The following SULF2 variants were observed in gnomAD, a reference collection of about 807,000 sequenced individuals.
The protein encoded by SULF2 is sulfatase 2, also known as extracellular sulfatase Sulf-2.
A neutral mutation model predicts 107.7 loss-of-function variants in SULF2; 52 were observed. That is an observed-to-expected ratio of 0.48 (90% CI 0.39 to 0.61). The LOEUF is 0.61. Among genes scored for constraint, SULF2 ranks in the 20% least tolerant of loss-of-function variants. The pLI is 0.00. For synonymous variants in SULF2, 460 were observed against 464.3 expected, an observed-to-expected ratio of 0.99 and a Z score of 0.12; for missense variants, 993 against 1,177.3, an observed-to-expected ratio of 0.84 and a Z score of 2.29.
intron 1 of SULF2, among the ~76,000 whole-genome samples, chr20:47,784,818 T>C (rs2122777698): frequency 6.6e-6 from 1 of 152,360 alleles, no homozygotes. Flanking sequence ...CGTTCTGCCC[T>C]GGCCTGGGAG....
intron 1 of SULF2, among the ~76,000 whole-genome samples, chr20:47,772,416 G>A (rs1314191611): frequency 6.6e-6 from 1 of 151,634 alleles, no homozygotes; most frequent in Non-Finnish European, 1.5e-5. Context: ...GAGAACCCCT[G>A]CCATACTTAG....
At chr20:47,768,743 T>C (rs2090571442) in intron 1 of SULF2, among the ~76,000 whole-genome samples, 2 of 152,240 alleles carry the variant, frequency 1.3e-5, no homozygotes, top group African/African-American at 4.8e-5. Flanking sequence ...GACTTGGGCC[T>C]TCCCTGGCCC....
intron 2 of SULF2, among the ~76,000 whole-genome samples, chr20:47,742,873 C>T (rs1378017058): frequency 1.3e-5 from 2 of 148,828 alleles, no homozygotes; most frequent in East Asian, 2.0e-4. Flanking sequence ...TCAGAGCAAA[C>T]ACTATCTATG....
chr20:47,696,173 A>C (rs2088369182), intron 4 of SULF2, among the ~76,000 whole-genome samples: 1 of 152,178 alleles, frequency 6.6e-6, no homozygotes, highest in Admixed American at 6.5e-5. Context: ...TCTGGGCCTC[A>C]GTTTTCTCAT....
chr20:47,728,351 C>T (rs944110120), intron 3 of SULF2, among the ~76,000 whole-genome samples: 3 of 152,214 alleles, frequency 2.0e-5, no homozygotes, highest in African/African-American at 7.2e-5. Context: ...GGCCCAGGGA[C>T]GGCATCCCGG....
intron 4 of SULF2, among the ~76,000 whole-genome samples, chr20:47,697,371 G>A (rs1021233761): frequency 3.3e-5 from 5 of 152,224 alleles, no homozygotes; most frequent in African/African-American, 1.2e-4. Context: ...GGCTTACGAA[G>A]GGTTGCCGCT....
At chr20:47,695,405 C>A (rs373998916) in intron 4 of SULF2, among the ~76,000 whole-genome samples, 1 of 152,186 alleles carries the variant, frequency 6.6e-6, no homozygotes, top group African/African-American at 2.4e-5. Context: ...TCTTGCATAA[C>A]TGAAACCTCA....
chr20:47,678,934 T>A lies in SULF2; in HGVS notation c.1065-130A>T, dbSNP rs142491507. 959 of 759,530 alleles carry A rather than the reference T, an allele frequency of 1.3e-3. 4 individuals carry two copies. In the African/African-American group the frequency reaches 0.015, roughly 12 times the overall value. The allele number at this position is 759,530 out of a possible 1,614,324, so 47.0% of individuals were successfully genotyped here. ...ACATCTGCAGGTATGGAAGCTGCAGTCTGGCACCTCAACCTCAGCAGCTCC... is the reference window on the plus strand; with the variant it reads ...ACATCTGCAGGTATGGAAGCTGCAGACTGGCACCTCAACCTCAGCAGCTCC... On this transcript the variant is annotated intron_variant, in intron 7 of 20. Coordinates refer to ENST00000688720, the MANE Select transcript of SULF2 (RefSeq NM_001387048.1). This position sits in a 1 kb window ranked among gnomAD's most constrained non-coding sequence, Gnocchi z 4.5.
chr20:47,699,431 A>AT (rs1350510786), intron 4 of SULF2, among the ~76,000 whole-genome samples: 2 of 151,710 alleles, frequency 1.3e-5, no homozygotes, highest in Admixed American at 6.6e-5. Flanking sequence ...AGCACTACAT[A>AT]GTAGGTGCTC....
At chr20:47,705,041 A>C (rs898128162) in intron 3 of SULF2, among the ~76,000 whole-genome samples, 3 of 152,182 alleles carry the variant, frequency 2.0e-5, no homozygotes, top group African/African-American at 7.2e-5. Context: ...ACTTTCCAGG[A>C]GTGGGAAAAC....
intron 2 of SULF2, among the ~76,000 whole-genome samples, chr20:47,752,619 TGC>T (rs988660833): frequency 6.7e-6 from 1 of 149,082 alleles, no homozygotes; most frequent in Admixed American, 6.7e-5. Flanking sequence ...AGTGTGATGG[TGC>T]GCACCTGTAG....
rs562782840 is a variant in SULF2, at chr20:47,712,429, C to T, written c.416-9759G>A. ...TGGTCACCCATCCCTCTATAGTCACCGGGCTGTTTATTTCCTCTACAGCAC... is the reference window on the plus strand; with the variant it reads ...TGGTCACCCATCCCTCTATAGTCACTGGGCTGTTTATTTCCTCTACAGCAC... On this transcript the variant is annotated intron_variant, in intron 3 of 20. Transcript: ENST00000688720. Among the ~76,000 whole-genome samples the T allele has an allele frequency of 2.1e-4, 32 of 152,314 alleles. No homozygotes were observed. In the South Asian group the frequency reaches 5.0e-3, roughly 24 times the overall value.
In SULF2 at chr20:47,771,223, G is replaced by A. The variant is rs76439087; in HGVS notation, c.-100-13760C>T. Among the ~76,000 whole-genome samples the A allele has an allele frequency of 8.4e-3, 1,284 of 152,254 alleles. 18 individuals carry two copies. The highest frequency in any genetic ancestry group is 0.03 in the African/African-American group (1,235 of 41,546). ...TCAAAGAATCTGTGAGCCTCGGAAA[G>A]TCCTGGGTGGGCACTCTTCCTTCTC... On this transcript the variant is annotated intron_variant, in intron 1 of 20. Transcript: ENST00000688720.
In SULF2 at chr20:47,745,392, A is replaced by G. The variant is rs1187053597; in HGVS notation, c.176-8450T>C. 3.8e-4 allele frequency among the ~76,000 whole-genome samples: 6 copies of G among 15,798 alleles called. 1 individual carries two copies. The African/African-American group carries it at 3.9e-3, about 10-fold the overall frequency. 10.4% of individuals were successfully genotyped at this position (15,798 alleles called of 152,430 possible). On this transcript the variant is annotated intron_variant, in intron 2 of 20. Coordinates refer to ENST00000688720, the MANE Select transcript of SULF2 (RefSeq NM_001387048.1). ...TTCTGAGTTTTGAGGGAAAAAAAAA[A>G]AAAAAAAAAAAAAAAAAAATATATA...
At chr20:47,737,755 G>GTTTTTTTTTT (rs11484375) in intron 2 of SULF2, among the ~76,000 whole-genome samples, 4 of 61,834 alleles carry the variant, frequency 6.5e-5, no homozygotes, top group African/African-American at 1.3e-4. Context: ...TCTTTTCTTT[G>GTTTTTTTTTT]TTTTTTTTTT....
intron 1 of SULF2, among the ~76,000 whole-genome samples, chr20:47,770,252 G>A (rs2090605512): frequency 6.6e-6 from 1 of 151,888 alleles, no homozygotes; most frequent in African/African-American, 2.4e-5. Context: ...GTAGAGATGA[G>A]GTCTTGCTAT....
intron 6 of SULF2, among the ~76,000 whole-genome samples, chr20:47,683,535 T>C (rs893997455): frequency 6.6e-6 from 1 of 152,254 alleles, no homozygotes; most frequent in African/African-American, 2.4e-5. Context: ...GGTGAATGAA[T>C]GAATGAGTGA....
intron 4 of SULF2, among the ~76,000 whole-genome samples, chr20:47,695,155 T>G (rs2088332666): frequency 6.6e-6 from 1 of 152,218 alleles, no homozygotes; most frequent in Admixed American, 6.5e-5. Flanking sequence ...TTACTGCCAT[T>G]GCAGCTTGAA....
At chr20:47,665,836 C>T in intron 13 of SULF2, 21 bp downstream of exon 13, 1 of 1,601,482 alleles carries the variant, frequency 6.2e-7, no homozygotes, top group Non-Finnish European at 8.6e-7. Flanking sequence ...AGAGCATGCT[C>T]CTCTCCCGCT....
Sources: allele counts gnomAD v4.1 joint callset (sites outside exome capture counted in the v4.1 genomes callset), GRCh38; gene constraint gnomAD v4.1.1; non-coding constraint Gnocchi (gnomAD v3.1); transcripts MANE v1.5; gene names NCBI Gene and HGNC (gene_info 2026-07-23, HGNC 2026-07-21).